Variants in NKAIN2 observed in about 807,000 individuals in gnomAD.
NKAIN2 encodes the protein sodium/potassium transporting ATPase interacting 2.
NKAIN2 carries 14 observed loss-of-function variants against 32.6 expected under a neutral mutation model. That is an observed-to-expected ratio of 0.43 (90% CI 0.28 to 0.67). The LOEUF is 0.67. NKAIN2 is among the 30% of genes least tolerant of loss of function. The pLI, the probability that NKAIN2 is intolerant of heterozygous loss-of-function variation, is 0.17. For missense variants in NKAIN2, 198 were observed against 258.3 expected, an observed-to-expected ratio of 0.77 and a Z score of 1.60; for synonymous variants, 80 against 87.2, an observed-to-expected ratio of 0.92 and a Z score of 0.46.
At chr6:124,782,928 C>T (rs1779339756) in intron 4 of NKAIN2, among the ~76,000 whole-genome samples, 2 of 152,046 alleles carry the variant, frequency 1.3e-5, no homozygotes, top group South Asian at 2.1e-4. Context: ...TTTACATTTC[C>T]CAATTATTTT....
At chr6:124,564,394 A>G (rs990703835) in intron 3 of NKAIN2, among the ~76,000 whole-genome samples, 7 of 152,186 alleles carry the variant, frequency 4.6e-5, no homozygotes, top group Non-Finnish European at 5.9e-5. Flanking sequence ...GGACCAATCA[A>G]TGCTCTGTAT....
chr6:123,833,934 G>T (rs1174779470), intron 1 of NKAIN2, among the ~76,000 whole-genome samples: 1 of 151,718 alleles, frequency 6.6e-6, no homozygotes. Context: ...CACCATGTTT[G>T]TCAGGCTGGT....
intron 1 of NKAIN2, among the ~76,000 whole-genome samples, chr6:123,926,712 A>G (rs970412559): frequency 6.6e-6 from 1 of 152,144 alleles, no homozygotes; most frequent in African/African-American, 2.4e-5. Flanking sequence ...CCTTATCTAA[A>G]TGAGTAGTCT....
At chr6:124,464,489 C>A (rs1417214533) in intron 3 of NKAIN2, among the ~76,000 whole-genome samples, 1 of 151,236 alleles carries the variant, frequency 6.6e-6, no homozygotes, top group Non-Finnish European at 1.5e-5. Context: ...AACTGATGGA[C>A]TTTGATTTAT....
At chr6:124,791,510 T>C in intron 5 of NKAIN2, 111 bp downstream of exon 5, 1 of 626,988 alleles carries the variant, frequency 1.6e-6, no homozygotes, top group Non-Finnish European at 2.8e-6. Context: ...AGCATTAGAA[T>C]GGAAAATAAG....
intron 3 of NKAIN2, among the ~76,000 whole-genome samples, chr6:124,423,470 C>A (rs1312662522): frequency 6.6e-6 from 1 of 152,066 alleles, no homozygotes; most frequent in African/African-American, 2.4e-5. Context: ...ATGTTTCTAG[C>A]CCAATATAGG....
At chr6:123,842,960 A>C (rs1168963440) in intron 1 of NKAIN2, among the ~76,000 whole-genome samples, 2 of 152,288 alleles carry the variant, frequency 1.3e-5, no homozygotes, top group East Asian at 3.9e-4. Context: ...TCAGCCACTC[A>C]AACCCATTGT....
intron 1 of NKAIN2, among the ~76,000 whole-genome samples, chr6:123,976,277 A>G (rs1448803052): frequency 1.1e-4 from 13 of 120,250 alleles, no homozygotes; most frequent in Non-Finnish European, 1.6e-4. Flanking sequence ...TTCCATATAT[A>G]TGTTTCCATA....
At chr6:124,302,696 A>G (rs896118606) in intron 2 of NKAIN2, among the ~76,000 whole-genome samples, 6 of 152,210 alleles carry the variant, frequency 3.9e-5, no homozygotes, top group African/African-American at 1.4e-4. Context: ...GCAATATATA[A>G]AATATTATCT....
chr6:124,446,111 G>T (rs895439792), intron 3 of NKAIN2, among the ~76,000 whole-genome samples: 5 of 152,020 alleles, frequency 3.3e-5, no homozygotes, highest in Non-Finnish European at 5.9e-5. Context: ...ACCAAGGCAT[G>T]GCAAGACCAA....
intron 1 of NKAIN2, among the ~76,000 whole-genome samples, chr6:123,895,928 G>T (rs1173454819): frequency 6.6e-6 from 1 of 152,126 alleles, no homozygotes; most frequent in Non-Finnish European, 1.5e-5. Flanking sequence ...CAATTTTTTT[G>T]TGTGTCTGGT....
intron 3 of NKAIN2, among the ~76,000 whole-genome samples, chr6:124,404,807 A>G (rs907995664): frequency 5.9e-5 from 9 of 152,212 alleles, no homozygotes; most frequent in South Asian, 4.1e-4. Flanking sequence ...TCATTAAAAT[A>G]TAAATCTTGT....
intron 1 of NKAIN2, among the ~76,000 whole-genome samples, chr6:123,874,938 C>T (rs945440535): frequency 1.1e-4 from 16 of 151,884 alleles, no homozygotes; most frequent in East Asian, 7.7e-4. Flanking sequence ...TGTGTACATA[C>T]ACCTATATAA....
intron 3 of NKAIN2, among the ~76,000 whole-genome samples, chr6:124,521,019 CT>C (rs1369455360): frequency 3.9e-5 from 6 of 152,080 alleles, no homozygotes; most frequent in African/African-American, 1.2e-4. Context: ...TTTCTAGTAG[CT>C]TTTTTGTTGT....
intron 2 of NKAIN2, among the ~76,000 whole-genome samples, chr6:124,346,834 A>C (rs942479892): frequency 1.3e-4 from 20 of 151,846 alleles, no homozygotes; most frequent in African/African-American, 4.8e-4. Flanking sequence ...GTCCATTTAC[A>C]TTTAAAGTTA....
At chr6:123,998,626 G>T (rs925528679) in intron 1 of NKAIN2, among the ~76,000 whole-genome samples, 1 of 151,976 alleles carries the variant, frequency 6.6e-6, no homozygotes, top group Admixed American at 6.6e-5. Context: ...GCTGTGAACA[G>T]GGGAGTACTA....
chr6:124,529,340 C>G (rs1189272924), intron 3 of NKAIN2, among the ~76,000 whole-genome samples: 1 of 152,200 alleles, frequency 6.6e-6, no homozygotes, highest in East Asian at 1.9e-4. Context: ...GACTTCCCTT[C>G]TCTTTCTGTT....
chr6:124,699,366 A>G (rs1774657366), intron 4 of NKAIN2, among the ~76,000 whole-genome samples: 1 of 152,140 alleles, frequency 6.6e-6, no homozygotes, highest in South Asian at 2.1e-4. Context: ...CAACCCAGGA[A>G]AGTGCCTTCC....
intron 1 of NKAIN2, among the ~76,000 whole-genome samples, chr6:123,941,966 C>G (rs765772083): frequency 6.6e-6 from 1 of 151,836 alleles, no homozygotes; most frequent in African/African-American, 2.4e-5. Context: ...CAATCCACCC[C>G]CAAAGCATCA....
Sources: gnomAD v4.1 joint callset for allele counts (sites outside exome capture counted in the v4.1 genomes callset) on GRCh38, gnomAD v4.1.1 for gene constraint, MANE v1.5 for transcripts, NCBI Gene and HGNC (gene_info 2026-07-23, HGNC 2026-07-21) for gene names.